The following PKD1L1 variants were observed in gnomAD, a reference collection of about 807,000 sequenced individuals.
The protein encoded by PKD1L1 is polycystin-1-like protein 1.
In PKD1L1, 236 loss-of-function variants were observed where a neutral mutation model predicts 323.4. That is an observed-to-expected ratio of 0.73 (90% CI 0.66 to 0.81). The LOEUF (loss-of-function observed/expected upper bound fraction) is 0.81, where lower values mean the gene tolerates loss of function less well. Among genes scored for constraint, PKD1L1 ranks in the 40% least tolerant of loss-of-function variants. The pLI is 0.00. For missense variants in PKD1L1, 3,320 were observed against 3,508.0 expected (o/e 0.95, Z 1.35); for synonymous variants, 1,344 against 1,335.0 (o/e 1.01, Z -0.15).
At chr7:47,795,421 G>C (rs769699105) in intron 55 of PKD1L1, 11 of 451,794 alleles carry the variant, frequency 2.4e-5, no homozygotes, top group South Asian at 1.7e-4. Context: ...ATGAACCTGA[G>C]GCCTCCCAAG....
In PKD1L1 at chr7:47,800,777, G is replaced by T; in HGVS notation, c.8065C>A (p.Leu2689Met). 1 of 1,614,118 alleles carries T rather than the reference G, an allele frequency of 6.2e-7. No individual in the cohort carries two copies. The highest frequency in any genetic ancestry group is 8.5e-7 in the Non-Finnish European group (1 of 1,180,016). Residue 2689 changes from leucine to methionine, a missense_variant, in exon 54 of 57, where the codon CTG (leucine) becomes ATG (methionine). Physicochemically the swap from Leu to Met is conservative, Grantham distance 15. Coordinates refer to ENST00000289672, the MANE Select transcript of PKD1L1 (RefSeq NM_138295.5). ...CTTCTTCTGGGAAAATGAAACAGCA[G>T]CCCGGGGAAGGCGTCTGTGAAGGTG... ...PGTFTDAFPGLLFHFPRRSQK... is the reference protein window; with the variant it reads ...PGTFTDAFPGMLFHFPRRSQK...
chr7:47,910,810 C>A (rs1198001403), intron 8 of PKD1L1, among the ~76,000 whole-genome samples: 1 of 128,360 alleles, frequency 7.8e-6, no homozygotes, highest in Non-Finnish European at 1.6e-5. Context: ...GTGTCCGCCA[C>A]CACGCCCAGC....
chr7:47,853,998 GT>G (rs2128741354), intron 30 of PKD1L1, among the ~76,000 whole-genome samples: 1 of 152,308 alleles, frequency 6.6e-6, no homozygotes, highest in Admixed American at 6.5e-5. Flanking sequence ...AGTAGTCTTA[GT>G]AGTTAGACTC....
intron 55 of PKD1L1, among the ~76,000 whole-genome samples, chr7:47,794,208 A>G (rs1314921866): frequency 6.6e-6 from 1 of 152,212 alleles, no homozygotes; most frequent in Non-Finnish European, 1.5e-5. Context: ...CCCCAAGGCC[A>G]TGGGGAAAAT....
chr7:47,818,938 T>C (rs1785083062), intron 46 of PKD1L1, among the ~76,000 whole-genome samples: 1 of 152,176 alleles, frequency 6.6e-6, no homozygotes, highest in African/African-American at 2.4e-5. Flanking sequence ...CCTCCCTTTA[T>C]AGATGAAGAT....
intron 15 of PKD1L1, 140 bp downstream of exon 15, chr7:47,893,738 C>T: frequency 1.2e-6 from 1 of 839,962 alleles, no homozygotes; most frequent in Admixed American, 3.0e-5. Context: ...TATTTTGTTC[C>T]TAAATAAAGC....
In PKD1L1 at chr7:47,931,161, G is replaced by A; in HGVS notation, c.680C>T (p.Thr227Ile). The change falls in exon 6 of 57, where the codon ACC (threonine) becomes ATC (isoleucine). Residue 227 changes from threonine to isoleucine, a missense_variant. Thr to Ile is a moderately conservative substitution (Grantham distance 89). Transcript: ENST00000289672. ...CCACAGGGGCACTCGCTGGGAGCTG[G>A]TCTGAGTGGGTCTGGCCACCTTGGT... ...TPTKVARPTQ[T>I]SSQRVPLWPI... is the part of the protein sequence containing the mutation. The A allele has an allele frequency of 1.2e-6, 2 of 1,614,208 alleles. No homozygotes were observed. The highest frequency in any genetic ancestry group is 1.7e-6 in the Non-Finnish European group (2 of 1,180,042).
chr7:47,895,511 GA>G (rs949380710), intron 14 of PKD1L1, among the ~76,000 whole-genome samples: 2 of 151,954 alleles, frequency 1.3e-5, no homozygotes, highest in African/African-American at 2.4e-5. Context: ...AGGAGGGAGG[GA>G]GGGGTAAGAG....
intron 6 of PKD1L1, 108 bp downstream of exon 6, chr7:47,930,996 A>C (rs1787757504): frequency 1.7e-6 from 2 of 1,173,142 alleles, no homozygotes; most frequent in Non-Finnish European, 2.4e-6. Flanking sequence ...TGCAACTATA[A>C]TTAAAGCAAA....
intron 31 of PKD1L1, 118 bp from the exon 32 acceptor site, chr7:47,847,189 A>T (rs1337634184): frequency 1.5e-6 from 1 of 681,806 alleles, no homozygotes; most frequent in Non-Finnish European, 2.2e-6. Context: ...GATGAGCAAG[A>T]ACTGAAAGAC....
intron 49 of PKD1L1, among the ~76,000 whole-genome samples, chr7:47,812,518 G>A (rs968773348): frequency 1.3e-5 from 2 of 152,098 alleles, no homozygotes; most frequent in African/African-American, 4.8e-5. Context: ...TTACTCAAAG[G>A]CTCACATTAT....
chr7:47,901,730 C>A (rs1011135811), intron 13 of PKD1L1, among the ~76,000 whole-genome samples: 3 of 152,218 alleles, frequency 2.0e-5, no homozygotes, highest in South Asian at 2.1e-4. Context: ...GCACCCTCTG[C>A]GGGCTGACCT....
In PKD1L1 at chr7:47,812,064, A is replaced by G; in HGVS notation, c.7347-13T>C. 1 of 1,551,408 alleles carries G rather than the reference A, an allele frequency of 6.4e-7. No individual in the cohort carries two copies. Among genetic ancestry groups the G allele is most frequent in the Non-Finnish European group, 8.7e-7 (1 of 1,146,016 alleles). On this transcript the variant is annotated splice_polypyrimidine_tract_variant and intron_variant, in intron 49 of 56. Transcript: ENST00000289672. ...GTGGGCTTCAGTCCTGTAAAACAGC[A>G]CACACTGGGGTAGGGCAGGGCAGGG...
At chr7:47,942,903 T>A (rs1340554846) in intron 2 of PKD1L1, among the ~76,000 whole-genome samples, 1 of 151,930 alleles carries the variant, frequency 6.6e-6, no homozygotes, top group Admixed American at 6.6e-5. Context: ...TCCCAGCACT[T>A]TGGAAGGCCG....
rs1397434025 is a variant in PKD1L1, at chr7:47,840,096, T to C, written c.5552+365A>G. Among the ~76,000 whole-genome samples, 3 of 152,210 alleles carry C rather than the reference T, an allele frequency of 2.0e-5. No homozygotes were observed. Among genetic ancestry groups the C allele is most frequent in the Non-Finnish European group, 4.4e-5 (3 of 68,042 alleles). On this transcript the variant is annotated intron_variant, in intron 35 of 56. Transcript: ENST00000289672. This position sits in a 1 kb window ranked among gnomAD's most constrained non-coding sequence, Gnocchi z 4.1. ...CGCCAGGTGCTTGCATCCTATCTTG[T>C]TAAATTCACTCTTTCTCCAACCCCA...
Position 47,830,029 on chromosome 7 carries a change from G to T in PKD1L1, c.6558+11C>A, listed in dbSNP as rs1785312165. On this transcript the variant is annotated intron_variant, in intron 43 of 56. Transcript: ENST00000289672. ...ATGGAAGGCACTTCTACCATGGAGG[G>T]TGTTTCTTACCATAAGTGGCTGGGT... The T allele has an allele frequency of 3.1e-6, 5 of 1,612,832 alleles. No individual in the cohort carries two copies. The highest frequency in any genetic ancestry group is 1.1e-5 in the South Asian group (1 of 91,052).
At chr7:47,785,354 A>T (rs892845294) in intron 56 of PKD1L1, among the ~76,000 whole-genome samples, 21 of 152,198 alleles carry the variant, frequency 1.4e-4, no homozygotes, top group African/African-American at 5.1e-4. Context: ...TTTCAAGTCA[A>T]TGTTGTTCAT....
rs768612939 is a variant in PKD1L1, at chr7:47,886,036, A to C, written c.2855T>G (p.Val952Gly). The change falls in exon 18 of 57, where the codon GTG becomes GGG. Residue 952 changes from valine to glycine, a missense_variant. Physicochemically the swap from Val to Gly is moderately radical, Grantham distance 109. Transcript: ENST00000289672. ...GAGTCCCAGCGAGCCAAGCAGCCCC[A>C]CTACTCTGCAGAAGGGAACTTAAGC... Reference protein sequence around the residue: ...NRIEVPFCRVVGLLGSLGLGA... With the variant: ...NRIEVPFCRVGGLLGSLGLGA... The C allele has an allele frequency of 6.2e-7, 1 of 1,613,330 alleles. No homozygotes were observed. The highest frequency in any genetic ancestry group is 1.7e-5 in the Admixed American group (1 of 59,972).
At chr7:47,901,705 T>G (rs1328483263) in intron 13 of PKD1L1, among the ~76,000 whole-genome samples, 1 of 152,206 alleles carries the variant, frequency 6.6e-6, no homozygotes, top group Non-Finnish European at 1.5e-5. Flanking sequence ...GGTCTCTGCA[T>G]GCTGATCTCC....
Sources: allele counts gnomAD v4.1 joint callset (sites outside exome capture counted in the v4.1 genomes callset), GRCh38; gene constraint gnomAD v4.1.1; non-coding constraint Gnocchi (gnomAD v3.1); transcripts MANE v1.5; gene names NCBI Gene and HGNC (gene_info 2026-07-23, HGNC 2026-07-21).